The following VWA8 variants were observed in gnomAD, a reference collection of about 807,000 sequenced individuals.
VWA8 encodes von Willebrand factor A domain-containing protein 8.
Under a neutral mutation model 241.5 loss-of-function variants are expected in VWA8, and 221 were observed. The observed-to-expected ratio is 0.91, with a 90% confidence interval of 0.82 to 1.02. The LOEUF (loss-of-function observed/expected upper bound fraction) is 1.02, where lower values mean the gene tolerates loss of function less well. Among genes scored for constraint, VWA8 ranks in the 50% least tolerant of loss-of-function variants. VWA8 has a pLI of 0.00. For missense variants in VWA8, 2,322 were observed against 2,328.7 expected (o/e 1.00, Z 0.06); for synonymous variants, 852 against 827.1 (o/e 1.03, Z -0.52).
intron 2 of VWA8, among the ~76,000 whole-genome samples, chr13:41,921,825 G>T (rs1876552593): frequency 6.6e-6 from 1 of 152,186 alleles, no homozygotes; most frequent in Non-Finnish European, 1.5e-5. Flanking sequence ...CTCATGGATA[G>T]GAAGAATCAG....
At position 41,732,071 on chromosome 13, in the gene VWA8, G is replaced by A. The variant is rs775906635; in HGVS notation, c.2502+9C>T. The A allele has an allele frequency of 1.9e-6, 3 of 1,606,254 alleles. No individual in the cohort carries two copies. The highest frequency in any genetic ancestry group is 2.6e-6 in the Non-Finnish European group (3 of 1,174,202). ...CACTTGAAAATATTTCTATGATTAG[G>A]TTACTAACCAAAGGTGAGTCTTCAT... On this transcript the variant is annotated intron_variant, in intron 22 of 44. Coordinates refer to ENST00000379310, the MANE Select transcript of VWA8 (RefSeq NM_015058.2).
intron 12 of VWA8, chr13:41,864,723 G>T (rs1402132907): frequency 1.0e-5 from 3 of 297,854 alleles, no homozygotes; most frequent in Non-Finnish European, 2.0e-5. Flanking sequence ...TTTTGTTTAG[G>T]ATGATGAAAA....
In VWA8 at chr13:41,898,199, C is replaced by T. The variant is rs569480296; in HGVS notation, c.484-6612G>A. 3.7e-4 allele frequency among the ~76,000 whole-genome samples: 56 copies of T among 151,224 alleles called. 1 individual carries two copies. The South Asian group carries it at 0.012, about 32-fold the overall frequency. ...AATCCCTGAGCTAGACATAAAGGTT[C>T]TCCAAGGCCCCACCAGAGCAGGTAG... is the stretch of plus-strand genomic sequence containing the variant. On this transcript the variant is annotated intron_variant, in intron 4 of 44. Transcript: ENST00000379310.
chr13:41,638,160 A>G (rs2044771291), intron 37 of VWA8, among the ~76,000 whole-genome samples: 1 of 152,240 alleles, frequency 6.6e-6, no homozygotes, highest in South Asian at 2.1e-4. Context: ...GCATGCAGAC[A>G]TAACCCCTTA....
intron 42 of VWA8, among the ~76,000 whole-genome samples, chr13:41,576,047 G>C (rs1190838538): frequency 6.6e-6 from 1 of 152,206 alleles, no homozygotes; most frequent in Non-Finnish European, 1.5e-5. Flanking sequence ...CTAGAGCTGG[G>C]AGTCAAGTGC....
At chr13:41,659,663 A>G (rs2044935233) in intron 37 of VWA8, among the ~76,000 whole-genome samples, 1 of 152,206 alleles carries the variant, frequency 6.6e-6, no homozygotes, top group African/African-American at 2.4e-5. Context: ...TGATGTCTCT[A>G]TCCAGCTGTT....
intron 35 of VWA8, among the ~76,000 whole-genome samples, 153 bp downstream of exon 35, chr13:41,684,894 A>C (rs2045124638): frequency 6.6e-6 from 1 of 152,220 alleles, no homozygotes; most frequent in South Asian, 2.1e-4. Flanking sequence ...GAACTTTCTG[A>C]ATACGGAGAG....
rs934477066 is a variant in VWA8, at chr13:41,755,959, G to A, written c.2426+5169C>T. Among the ~76,000 whole-genome samples the A allele has an allele frequency of 3.3e-5, 5 of 151,078 alleles. No homozygotes were observed. The South Asian group carries it at 8.4e-4, about 25-fold the overall frequency. On this transcript the variant is annotated intron_variant, in intron 21 of 44. Transcript: ENST00000379310. ...GAAATCGAACGAAAACAAAAGGAAGGGTATAATAAAGATTAAAATCAGAAA... is the reference window on the plus strand; with the variant it reads ...GAAATCGAACGAAAACAAAAGGAAGAGTATAATAAAGATTAAAATCAGAAA...
chr13:41,601,680 C>G (rs2044522376), intron 40 of VWA8, among the ~76,000 whole-genome samples: 1 of 152,080 alleles, frequency 6.6e-6, no homozygotes, highest in South Asian at 2.1e-4. Context: ...AAGATTCATG[C>G]AATCGATTCA....
intron 21 of VWA8, among the ~76,000 whole-genome samples, chr13:41,757,622 A>G (rs931967065): frequency 6.6e-6 from 1 of 151,562 alleles, no homozygotes; most frequent in Non-Finnish European, 1.5e-5. Flanking sequence ...AGTCCCCACT[A>G]TCTATTGTTG....
At chr13:41,908,603 G>GAA (rs1875839144) in intron 3 of VWA8, among the ~76,000 whole-genome samples, 3 of 151,996 alleles carry the variant, frequency 2.0e-5, no homozygotes, top group Non-Finnish European at 4.4e-5. Flanking sequence ...GGAGGAAAAG[G>GAA]AAGGAGGAGG....
intron 17 of VWA8, among the ~76,000 whole-genome samples, chr13:41,801,922 T>C (rs1869979096): frequency 6.6e-6 from 1 of 152,214 alleles, no homozygotes; most frequent in African/African-American, 2.4e-5. Context: ...TTATTGAATG[T>C]CTAAATAAGA....
chr13:41,853,847 AT>A (rs1308310092), intron 12 of VWA8, among the ~76,000 whole-genome samples: 1 of 151,952 alleles, frequency 6.6e-6, no homozygotes, highest in Admixed American at 6.6e-5. Context: ...ATTCTATTTC[AT>A]TTTTTCAACT....
chr13:41,810,208 GA>G (rs967688888), intron 17 of VWA8, among the ~76,000 whole-genome samples: 17 of 150,638 alleles, frequency 1.1e-4, no homozygotes, highest in African/African-American at 2.7e-4. Flanking sequence ...AAAAAAAGAA[GA>G]AAAAAAAATA....
At position 41,590,621 on chromosome 13, in the gene VWA8, G is replaced by C. The variant is rs375184302; in HGVS notation, c.5112+19C>G. The C allele has an allele frequency of 4.3e-6, 7 of 1,613,284 alleles. No individual in the cohort carries two copies. In the African/African-American group the frequency reaches 6.7e-5, roughly 15 times the overall value. On this transcript the variant is annotated intron_variant, in intron 41 of 44. Transcript: ENST00000379310. ...GCTAGACTATGCAGAGCTGAGGCTA[G>C]CAGTTCACCATGACTTACTTGTGGC... is the stretch of plus-strand genomic sequence containing the variant.
intron 9 of VWA8, among the ~76,000 whole-genome samples, chr13:41,870,987 G>A (rs891991418): frequency 1.3e-5 from 2 of 152,002 alleles, no homozygotes; most frequent in Non-Finnish European, 2.9e-5. Flanking sequence ...AATCAGAAAG[G>A]TACCCCCATA....
intron 1 of VWA8, among the ~76,000 whole-genome samples, chr13:41,959,227 GATAT>G (rs1878477994): frequency 6.6e-6 from 1 of 152,040 alleles, no homozygotes. Context: ...AACCATAATA[GATAT>G]ATTCTTCTTA....
chr13:41,830,317 T>A (rs9594638), intron 14 of VWA8, among the ~76,000 whole-genome samples: 51,349 of 145,864 alleles, frequency 0.35, 8,990 homozygotes, highest in African/African-American at 0.39. Context: ...TTTTTTTTTT[T>A]AAAAAAAAAA....
At chr13:41,664,726 T>C (rs1377143416) in intron 37 of VWA8, among the ~76,000 whole-genome samples, 1 of 152,102 alleles carries the variant, frequency 6.6e-6, no homozygotes, top group Non-Finnish European at 1.5e-5. Flanking sequence ...CACAGTATCT[T>C]CAAGTCCTGT....
Sources: gnomAD v4.1 joint callset for allele counts (sites outside exome capture counted in the v4.1 genomes callset) on GRCh38, gnomAD v4.1.1 for gene constraint, MANE v1.5 for transcripts, NCBI Gene and HGNC (gene_info 2026-07-23, HGNC 2026-07-21) for gene names.